CYTH1: variants seen among roughly 807,000 people sequenced by gnomAD.
The protein encoded by CYTH1 is cytohesin 1, also known as cytohesin-1.
CYTH1 carries 18 observed loss-of-function variants against 61.8 expected under a neutral mutation model. The observed-to-expected ratio is 0.29, with a 90% CI of 0.20 to 0.43. The LOEUF (loss-of-function observed/expected upper bound fraction) is 0.43, where lower values mean the gene tolerates loss of function less well. CYTH1 is among the 20% of genes least tolerant of loss of function. CYTH1 has a pLI of 1.00. For missense variants in CYTH1, 336 were observed against 510.5 expected (o/e 0.66, Z 3.29); for synonymous variants, 174 against 184.3 (o/e 0.94, Z 0.45).
chr17:78,681,085 A>C (rs1370064192), intron 11 of CYTH1, 43 bp from the exon 12 acceptor site: 1 of 1,593,416 alleles, frequency 6.3e-7, no homozygotes, highest in Non-Finnish European at 8.6e-7. Context: ...TCACAGTTTA[A>C]GGACACACAC....
At chr17:78,733,620 A>C (rs1252669562) in intron 1 of CYTH1, among the ~76,000 whole-genome samples, 1 of 152,270 alleles carries the variant, frequency 6.6e-6, no homozygotes, top group Non-Finnish European at 1.5e-5. Flanking sequence ...AGCCCGTAGC[A>C]GCAGCACACC....
chr17:78,765,056 A>T (rs1271483769), intron 1 of CYTH1, among the ~76,000 whole-genome samples: 1 of 152,118 alleles, frequency 6.6e-6, no homozygotes, highest in African/African-American at 2.4e-5. Context: ...TTTGGAGGAA[A>T]AGCATCCCTA....
At position 78,700,647 on chromosome 17, in the gene CYTH1, C is replaced by G. The variant is rs772274753; in HGVS notation, c.438-204G>C. On this transcript the variant is annotated intron_variant, in intron 6 of 13. Transcript: ENST00000446868. This position sits in a 1 kb window ranked among gnomAD's most constrained non-coding sequence, Gnocchi z 5.1. Reference sequence around the variant, plus strand: ...TCAGGCAATCTTCTGCCTCAGCCTCCCGAGTAGCCGGGACTACAGGCACAC... The same window carrying G: ...TCAGGCAATCTTCTGCCTCAGCCTCGCGAGTAGCCGGGACTACAGGCACAC... Among the ~76,000 whole-genome samples the G allele has an allele frequency of 4.6e-5, 7 of 152,056 alleles. No individual in the cohort carries two copies. Among genetic ancestry groups the G allele is most frequent in the Non-Finnish European group, 1.0e-4 (7 of 67,994 alleles).
intron 1 of CYTH1, among the ~76,000 whole-genome samples, chr17:78,770,736 A>G (rs2093468222): frequency 1.3e-5 from 2 of 152,166 alleles, no homozygotes; most frequent in South Asian, 4.1e-4. Context: ...GCCTTAGCCA[A>G]TTCCATCATT....
chr17:78,763,659 T>C (rs1402899206), intron 1 of CYTH1, among the ~76,000 whole-genome samples: 1 of 152,218 alleles, frequency 6.6e-6, no homozygotes, highest in East Asian at 1.9e-4. Context: ...AAGAGTTACG[T>C]GAATGTAGTC....
chr17:78,746,662 CCA>C (rs1440218804), intron 1 of CYTH1, among the ~76,000 whole-genome samples: 2 of 152,192 alleles, frequency 1.3e-5, no homozygotes, highest in Non-Finnish European at 2.9e-5. Context: ...ATTTGAAAGG[CCA>C]GGTGTGATGG....
chr17:78,726,456 G>A (rs1415885130), intron 1 of CYTH1, among the ~76,000 whole-genome samples: 2 of 152,070 alleles, frequency 1.3e-5, no homozygotes, highest in African/African-American at 2.4e-5. Flanking sequence ...ACATGGTTTC[G>A]GCCCTCCAAG....
At chr17:78,720,480 A>G (rs1043547937) in intron 1 of CYTH1, among the ~76,000 whole-genome samples, 5 of 152,184 alleles carry the variant, frequency 3.3e-5, no homozygotes, top group South Asian at 2.1e-4. Context: ...CACCACGCCC[A>G]GCTAATTTTT....
At chr17:78,756,510 A>G (rs2093401859) in intron 1 of CYTH1, among the ~76,000 whole-genome samples, 1 of 152,204 alleles carries the variant, frequency 6.6e-6, no homozygotes, top group African/African-American at 2.4e-5. Context: ...ATCATCACCA[A>G]TTAAAGGTGC....
intron 1 of CYTH1, among the ~76,000 whole-genome samples, chr17:78,710,349 A>C (rs2093116179): frequency 1.3e-5 from 2 of 152,314 alleles, no homozygotes; most frequent in South Asian, 4.1e-4. Flanking sequence ...ACCTTTCTTC[A>C]TTGTTTCGAT....
intron 1 of CYTH1, among the ~76,000 whole-genome samples, 191 bp from the exon 2 acceptor site, chr17:78,709,923 C>T (rs2093110744): frequency 6.6e-6 from 1 of 152,190 alleles, no homozygotes; most frequent in African/African-American, 2.4e-5. Flanking sequence ...CCTTAAATCA[C>T]ACAGAAAAGC....
chr17:78,736,729 T>G, intron 1 of CYTH1: 2 of 423,474 alleles, frequency 4.7e-6, no homozygotes, highest in Non-Finnish European at 9.9e-6. Context: ...TCTTGTTTCC[T>G]TACAGCGGGA....
At chr17:78,676,713 A>G (rs574782197) in intron 13 of CYTH1, 1 of 337,414 alleles carries the variant, frequency 3.0e-6, no homozygotes, top group East Asian at 8.4e-5. Context: ...GGCACCATGG[A>G]CAGACCGGCT....
In CYTH1 at chr17:78,700,374, G is replaced by A. The variant is rs149504937; in HGVS notation, c.507C>T (p.Ala169=). 2.2e-5 allele frequency: 36 copies of A among 1,613,450 alleles called. No individual in the cohort carries two copies. In the African/African-American group the frequency reaches 4.7e-4, roughly 21 times the overall value. The change falls in exon 7 of 14, where the codon GCC becomes GCT. Residue 169 remains alanine, a synonymous_variant. Transcript: ENST00000446868. This position sits in a 1 kb window ranked among gnomAD's most constrained non-coding sequence, Gnocchi z 5.1. ...QKIDRMMEAF[A]QRYCQCNNGV... ...CATTATTGCACTGACAATATCGCTG[G>A]GCAAACGCCTCCATCATCCGGTCGA...
intron 2 of CYTH1, 161 bp downstream of exon 2, chr17:78,709,489 G>T: frequency 1.5e-6 from 1 of 660,234 alleles, no homozygotes. Flanking sequence ...CAGCTGTAGA[G>T]GAAAGGTGAC....
rs2092753995 is a variant in CYTH1 at position 78,680,885 on chromosome 17, G to A, written c.963+86C>T. On this transcript the variant is annotated intron_variant, in intron 12 of 13. Transcript: ENST00000446868. ...AATAAAAGCCTGATCACGCTTTTCA[G>A]TTTTTTGGTTTTGAGTTTTTTAAAA... is the stretch of plus-strand genomic sequence containing the variant. 3 of 1,339,490 alleles carry A rather than the reference G, an allele frequency of 2.2e-6. No homozygotes were observed. In the African/African-American group the frequency reaches 4.4e-5, roughly 20 times the overall value. The allele number at this position is 1,339,490 out of a possible 1,614,324, so 83.0% of individuals were successfully genotyped here. A position where few individuals can be genotyped will look rare whatever the true frequency, so the allele number is the denominator to read the frequency against.
At chr17:78,724,705 C>T (rs1188187919) in intron 1 of CYTH1, among the ~76,000 whole-genome samples, 1 of 152,210 alleles carries the variant, frequency 6.6e-6, no homozygotes, top group Non-Finnish European at 1.5e-5. Context: ...CCCATACCCT[C>T]CCTCCTTTCC....
intron 1 of CYTH1, among the ~76,000 whole-genome samples, chr17:78,761,403 A>G (rs1158394438): frequency 6.6e-6 from 1 of 152,194 alleles, no homozygotes; most frequent in East Asian, 1.9e-4. Flanking sequence ...GGGAACTAAA[A>G]GCACTCACAC....
At chr17:78,702,284 A>G in intron 4 of CYTH1, 44 bp from the exon 5 acceptor site, 1 of 1,512,114 alleles carries the variant, frequency 6.6e-7, no homozygotes, top group South Asian at 1.1e-5. Flanking sequence ...TTGCTGGGAA[A>G]CAGTTGAAAA....
Sources: allele counts gnomAD v4.1 joint callset (sites outside exome capture counted in the v4.1 genomes callset), GRCh38; gene constraint gnomAD v4.1.1; non-coding constraint Gnocchi (gnomAD v3.1); transcripts MANE v1.5; gene names NCBI Gene and HGNC (gene_info 2026-07-23, HGNC 2026-07-21).